Variants in APOO observed in about 807,000 individuals in gnomAD.
The protein encoded by APOO is MICOS complex subunit MIC26.
A neutral mutation model predicts 23.1 loss-of-function variants in APOO; 11 were observed. The observed-to-expected ratio is 0.48, with a 90% CI of 0.30 to 0.79. The LOEUF (loss-of-function observed/expected upper bound fraction) is 0.79. Ranked by LOEUF, APOO falls within the 30% of genes least tolerant of loss-of-function variation. APOO has a pLI of 0.07. For missense variants in APOO, 160 were observed against 142.7 expected (o/e 1.12, Z -0.62); for synonymous variants, 59 against 54.8 (o/e 1.08, Z -0.34).
At chrX:23,871,294 C>T (rs1225178292) in intron 4 of APOO, among the ~76,000 whole-genome samples, 8 of 100,414 alleles carry the variant, frequency 8.0e-5, no homozygotes, top group African/African-American at 2.9e-4. Context: ...ACCCAGGAGG[C>T]GGAGCTTGTA....
At chrX:23,892,498 T>C (rs1212636051) in intron 1 of APOO, among the ~76,000 whole-genome samples, 3 of 110,660 alleles carry the variant, frequency 2.7e-5, no homozygotes, top group Non-Finnish European at 5.7e-5. Flanking sequence ...CCTCAGGTGA[T>C]CCACCTGCCT....
At chrX:23,887,950 C>T (rs1189054069) in intron 1 of APOO, among the ~76,000 whole-genome samples, 1 of 111,936 alleles carries the variant, frequency 8.9e-6, no homozygotes, top group East Asian at 2.8e-4. Context: ...GTTTTGAATA[C>T]AGCTGTAAGA....
intron 8 of APOO, among the ~76,000 whole-genome samples, chrX:23,835,474 GT>G (rs1396003596): frequency 9.0e-6 from 1 of 111,667 alleles, no homozygotes; most frequent in African/African-American, 3.2e-5. Context: ...TTCTATCTCA[GT>G]TTATTAATCT....
At chrX:23,846,816 A>G in intron 7 of APOO, among the ~76,000 whole-genome samples, 1 of 110,537 alleles carries the variant, frequency 9.0e-6, no homozygotes, top group Non-Finnish European at 1.9e-5. Flanking sequence ...TGCTTTTATT[A>G]AGCTCCTAGA....
At chrX:23,886,479 A>G (rs1926370377) in intron 1 of APOO, among the ~76,000 whole-genome samples, 1 of 111,724 alleles carries the variant, frequency 9.0e-6, no homozygotes, top group Non-Finnish European at 1.9e-5. Flanking sequence ...CTCTATGTAA[A>G]TTAGACTTTT....
intron 1 of APOO, chrX:23,883,472 C>T (rs1301585156): frequency 9.0e-6 from 1 of 111,579 alleles, no homozygotes; most frequent in Non-Finnish European, 1.9e-5. Context: ...AGCGGCCTGA[C>T]TCCAGGGGAA....
chrX:23,882,471 A>G (rs757282797), intron 1 of APOO, among the ~76,000 whole-genome samples: 51 of 111,280 alleles, frequency 4.6e-4, no homozygotes, highest in African/African-American at 1.3e-3. Context: ...TTTATTTTCC[A>G]CCTCTCCTCC....
chrX:23,844,391 ATTAAG>A (rs780535970), intron 7 of APOO, among the ~76,000 whole-genome samples: 30 of 111,467 alleles, frequency 2.7e-4, no homozygotes, highest in Non-Finnish European at 5.3e-4. Flanking sequence ...TTGCATTGGA[ATTAAG>A]TTTACTAATC....
At chrX:23,854,899 C>CA (rs1036915267) in intron 7 of APOO, among the ~76,000 whole-genome samples, 87 of 110,581 alleles carry the variant, frequency 7.9e-4, no homozygotes, top group Non-Finnish European at 1.4e-3. Flanking sequence ...AAAAAACAAT[C>CA]AAAAAAACAG....
At chrX:23,858,783 C>T in intron 5 of APOO, 50 bp from the exon 6 acceptor site, 7 of 1,069,901 alleles carry the variant, frequency 6.5e-6, no homozygotes, top group Non-Finnish European at 9.0e-6. Flanking sequence ...TTATCCTCAC[C>T]ATCACAATTT....
chrX:23,863,026 G>T (rs1220108533), intron 5 of APOO, among the ~76,000 whole-genome samples: 1 of 111,000 alleles, frequency 9.0e-6, no homozygotes, highest in East Asian at 2.9e-4. Flanking sequence ...ATATTGTTTG[G>T]GCAAGAATGA....
chrX:23,877,287 TACA>T (rs1344055715), intron 3 of APOO, among the ~76,000 whole-genome samples: 2 of 112,286 alleles, frequency 1.8e-5, no homozygotes, highest in Non-Finnish European at 3.8e-5. Context: ...CTAATCATTT[TACA>T]ACATGTTATG....
intron 7 of APOO, among the ~76,000 whole-genome samples, chrX:23,852,631 G>T (rs1158116282): frequency 9.3e-6 from 1 of 107,567 alleles, no homozygotes; most frequent in African/African-American, 3.4e-5. Context: ...AAAAAAATAT[G>T]AATTAGATGA....
intron 1 of APOO, among the ~76,000 whole-genome samples, chrX:23,889,897 G>A (rs188452055): frequency 4.5e-5 from 5 of 109,906 alleles, no homozygotes; most frequent in African/African-American, 6.6e-5. Context: ...TTCTGACCTC[G>A]TGATCCGCCC....
intron 7 of APOO, among the ~76,000 whole-genome samples, chrX:23,848,188 A>G (rs1308691348): frequency 9.8e-6 from 1 of 101,774 alleles, no homozygotes; most frequent in Non-Finnish European, 2.0e-5. Flanking sequence ...TTTTTGAGAC[A>G]AAATCTCACT....
chrX:23,843,579 CTTT>C (rs747271141), intron 7 of APOO, among the ~76,000 whole-genome samples: 1 of 61,736 alleles, frequency 1.6e-5, no homozygotes, highest in Non-Finnish European at 2.9e-5. Flanking sequence ...ATGACAATTT[CTTT>C]TTTTTTTTTT....
At chrX:23,850,552 C>T (rs1014527604) in intron 7 of APOO, among the ~76,000 whole-genome samples, 1 of 111,878 alleles carries the variant, frequency 8.9e-6, no homozygotes, top group African/African-American at 3.2e-5. Context: ...TATGACCAGG[C>T]GCAGTGGCTC....
At chrX:23,863,832 G>C (rs1213233335) in intron 5 of APOO, among the ~76,000 whole-genome samples, 1 of 110,448 alleles carries the variant, frequency 9.1e-6, no homozygotes, top group Non-Finnish European at 1.9e-5. Context: ...GAAATGGACA[G>C]AAGAGACAGC....
At position 23,837,432 on chromosome X, in the gene APOO, G is replaced by A. The variant is rs764058688; in HGVS notation, c.*29+2881C>T. 1.4e-4 allele frequency: 66 copies of A among 479,908 alleles called. No individual in the cohort carries two copies. The South Asian group carries it at 2.0e-3, about 15-fold the overall frequency. The allele number at this position is 479,908 out of a possible 1,213,427, so 39.5% of individuals were successfully genotyped here. A position where few individuals can be genotyped will look rare whatever the true frequency, so the allele number is the denominator to read the frequency against. ...GCAGCTACTCAGAAGGGTGAAGTGG[G>A]AGGATCACCTAAACCCAGGAGTTGA... is the stretch of plus-strand genomic sequence containing the variant. On this transcript the variant is annotated intron_variant, in intron 8 of 8. Transcript: ENST00000379226.
Sources: allele counts gnomAD v4.1 joint callset (sites outside exome capture counted in the v4.1 genomes callset), GRCh38; gene constraint gnomAD v4.1.1; transcripts MANE v1.5; gene names NCBI Gene and HGNC (gene_info 2026-07-23, HGNC 2026-07-21).